Variants in TMEM163 observed in about 807,000 individuals in gnomAD.
The protein encoded by TMEM163 is transmembrane protein 163.
In TMEM163, 17 loss-of-function variants were observed where a neutral mutation model predicts 29.3. That is an observed-to-expected ratio of 0.58 (90% CI 0.40 to 0.87). The LOEUF (loss-of-function observed/expected upper bound fraction) is 0.87, where lower values mean the gene tolerates loss of function less well. Among genes scored for constraint, TMEM163 ranks in the 40% least tolerant of loss-of-function variants. TMEM163 has a pLI of 0.00. For synonymous variants in TMEM163, 157 were observed against 160.6 expected (o/e 0.98, Z 0.17); for missense variants, 303 against 381.5 (o/e 0.79, Z 1.71).
intron 2 of TMEM163, among the ~76,000 whole-genome samples, chr2:134,655,910 G>C (rs1156480763): frequency 2.8e-5 from 4 of 142,804 alleles, no homozygotes; most frequent in East Asian, 3.9e-4. Context: ...CCCGTTCTCA[G>C]ATCTCCAGCT....
chr2:134,640,849 A>T (rs1683207768), intron 2 of TMEM163, among the ~76,000 whole-genome samples: 2 of 152,212 alleles, frequency 1.3e-5, no homozygotes. Context: ...CTCAGAGAGG[A>T]AGGCAAACAG....
chr2:134,624,858 C>T (rs532115569), intron 2 of TMEM163, among the ~76,000 whole-genome samples: 2 of 150,824 alleles, frequency 1.3e-5, no homozygotes, highest in Admixed American at 6.6e-5. Context: ...TGCTGGGGGC[C>T]GAGATCTCAC....
intron 2 of TMEM163, among the ~76,000 whole-genome samples, chr2:134,710,483 C>T (rs1376662248): frequency 1.3e-5 from 2 of 152,082 alleles, no homozygotes; most frequent in Non-Finnish European, 2.9e-5. Context: ...GGAGATGCAA[C>T]TCCAAGACAA....
intron 2 of TMEM163, among the ~76,000 whole-genome samples, chr2:134,612,837 C>G (rs1239947695): frequency 6.6e-6 from 1 of 152,070 alleles, no homozygotes; most frequent in Non-Finnish European, 1.5e-5. Flanking sequence ...TTTTAAATGT[C>G]TGATCTTCAA....
chr2:134,652,961 A>C (rs1296698151), intron 2 of TMEM163, among the ~76,000 whole-genome samples: 3 of 119,722 alleles, frequency 2.5e-5, no homozygotes, highest in Non-Finnish European at 5.0e-5. Context: ...TATTTTATTG[A>C]GGATTTTTGC....
intron 2 of TMEM163, among the ~76,000 whole-genome samples, chr2:134,605,014 T>C (rs1243820501): frequency 6.6e-6 from 1 of 152,018 alleles, no homozygotes; most frequent in Non-Finnish European, 1.5e-5. Flanking sequence ...ACCCTGTCTC[T>C]ACTAAATATA....
At chr2:134,610,546 C>A (rs1388448670) in intron 2 of TMEM163, among the ~76,000 whole-genome samples, 1 of 152,186 alleles carries the variant, frequency 6.6e-6, no homozygotes, top group Non-Finnish European at 1.5e-5. Context: ...CCTTGAGAAA[C>A]CCTGCTTTCA....
rs558706433 is a variant in TMEM163 at position 134,573,260 on chromosome 2, C to T, written c.323-21169G>A. Among the ~76,000 whole-genome samples, 30 of 152,344 alleles carry T rather than the reference C, an allele frequency of 2.0e-4. No individual in the cohort carries two copies. The South Asian group carries it at 5.8e-3, about 29-fold the overall frequency. On this transcript the variant is annotated intron_variant, in intron 2 of 7. Coordinates refer to ENST00000281924, the MANE Select transcript of TMEM163 (RefSeq NM_030923.5). Reference sequence around the variant, plus strand: ...GTGCATCATCCAGCAACTAGAAGAACCCAAGTGCTGAGAATGCTTCCCTAT... The same window carrying T: ...GTGCATCATCCAGCAACTAGAAGAATCCAAGTGCTGAGAATGCTTCCCTAT...
At chr2:134,514,370 C>T (rs906056212) in intron 4 of TMEM163, among the ~76,000 whole-genome samples, 4 of 144,680 alleles carry the variant, frequency 2.8e-5, no homozygotes, top group African/African-American at 5.2e-5. Flanking sequence ...AATACACTAA[C>T]GATACTGATG....
chr2:134,602,906 T>C (rs988453072), intron 2 of TMEM163, among the ~76,000 whole-genome samples: 2 of 151,916 alleles, frequency 1.3e-5, no homozygotes, highest in Non-Finnish European at 2.9e-5. Context: ...ACTTACACAC[T>C]CCTGAGTCTA....
At chr2:134,484,594 C>A (rs1300977082) in intron 5 of TMEM163, among the ~76,000 whole-genome samples, 1 of 152,158 alleles carries the variant, frequency 6.6e-6, no homozygotes. Context: ...GTGTGTGTAA[C>A]TGACGTATAT....
intron 2 of TMEM163, among the ~76,000 whole-genome samples, chr2:134,615,619 C>A (rs1377128947): frequency 6.8e-6 from 1 of 146,686 alleles, no homozygotes; most frequent in Non-Finnish European, 1.5e-5. Context: ...TCCACTTGAT[C>A]TGTGCCAGAT....
chr2:134,481,704 G>A (rs1271261494), intron 5 of TMEM163, among the ~76,000 whole-genome samples: 1 of 152,186 alleles, frequency 6.6e-6, no homozygotes, highest in Non-Finnish European at 1.5e-5. Flanking sequence ...GAAGGAATAG[G>A]AGGGAAGCTG....
At chr2:134,550,766 ACT>A (rs1680900023) in intron 3 of TMEM163, 105 bp from the exon 4 acceptor site, 1 of 1,093,914 alleles carries the variant, frequency 9.1e-7, no homozygotes, top group Middle Eastern at 2.0e-4. Flanking sequence ...GCATGAGTAA[ACT>A]CTGAGCAAAG....
chr2:134,697,783 A>G (rs192455850), intron 2 of TMEM163, among the ~76,000 whole-genome samples: 1 of 152,198 alleles, frequency 6.6e-6, no homozygotes, highest in East Asian at 1.9e-4. Flanking sequence ...GAGCATGTTC[A>G]TTTATTTATT....
chr2:134,486,736 T>A (rs1358189537), intron 5 of TMEM163, among the ~76,000 whole-genome samples: 3 of 152,196 alleles, frequency 2.0e-5, no homozygotes, highest in Admixed American at 2.0e-4. Context: ...AGCTGCCTAG[T>A]TCATTACATG....
chr2:134,679,338 A>G (rs1410357793), intron 2 of TMEM163, among the ~76,000 whole-genome samples: 1 of 152,250 alleles, frequency 6.6e-6, no homozygotes, highest in Admixed American at 6.5e-5. Flanking sequence ...CCATGACTCT[A>G]GGACAAACTC....
intron 2 of TMEM163, among the ~76,000 whole-genome samples, chr2:134,689,426 T>C (rs1033219767): frequency 1.3e-5 from 2 of 152,224 alleles, no homozygotes; most frequent in East Asian, 1.9e-4. Context: ...TAATTACACA[T>C]GAGAGTCACA....
chr2:134,671,043 C>A (rs1306262605), intron 2 of TMEM163, among the ~76,000 whole-genome samples: 1 of 152,290 alleles, frequency 6.6e-6, no homozygotes, highest in Non-Finnish European at 1.5e-5. Context: ...TCAAAGGACC[C>A]CCTCTGGGAA....
Sources: gnomAD v4.1 joint callset for allele counts (sites outside exome capture counted in the v4.1 genomes callset) on GRCh38, gnomAD v4.1.1 for gene constraint, MANE v1.5 for transcripts, NCBI Gene and HGNC (gene_info 2026-07-23, HGNC 2026-07-21) for gene names.